ADGRL3: variants seen among roughly 807,000 people sequenced by gnomAD.
ADGRL3 encodes the protein adhesion G protein-coupled receptor L3.
In ADGRL3, 62 loss-of-function variants were observed where a neutral mutation model predicts 153.5. The ratio of observed to expected loss-of-function variants is 0.40; its 90% CI spans 0.33 to 0.50. ADGRL3 has a LOEUF of 0.50. ADGRL3 is among the 20% of genes least tolerant of loss of function. The pLI, the probability that ADGRL3 is intolerant of heterozygous loss-of-function variation, is 0.47. For synonymous variants in ADGRL3, 710 were observed against 672.5 expected, an observed-to-expected ratio of 1.06 and a Z score of -0.86; for missense variants, 1,641 against 1,859.4, an observed-to-expected ratio of 0.88 and a Z score of 2.16.
chr4:61,518,360 C>T lies in ADGRL3; in HGVS notation c.259+842C>T, dbSNP rs371300421. ...TATCAAATCTTTCCTAAAACACAGTCACTATTCTGACCCAAGAATTTCTTG... is the reference window on the plus strand; with the variant it reads ...TATCAAATCTTTCCTAAAACACAGTTACTATTCTGACCCAAGAATTTCTTG... On this transcript the variant is annotated intron_variant, in intron 4 of 26. Coordinates refer to ENST00000683033, the MANE Select transcript of ADGRL3 (RefSeq NM_001387552.1). Among the ~76,000 whole-genome samples the T allele has an allele frequency of 1.4e-3, 209 of 150,052 alleles. 1 individual carries two copies. The highest frequency in any genetic ancestry group is 4.7e-3 in the African/African-American group (189 of 40,610).
chr4:62,014,602 G>T (rs888454376), intron 21 of ADGRL3, among the ~76,000 whole-genome samples: 1 of 152,122 alleles, frequency 6.6e-6, no homozygotes, highest in Non-Finnish European at 1.5e-5. Context: ...CCCCATAGAT[G>T]GGTGAGAACA....
intron 17 of ADGRL3, among the ~76,000 whole-genome samples, 154 bp from the exon 18 acceptor site, chr4:61,979,409 A>C (rs2099059571): frequency 6.6e-6 from 1 of 152,226 alleles, no homozygotes; most frequent in Non-Finnish European, 1.5e-5. Flanking sequence ...TCTGTGGAAG[A>C]GAAAACCCAA....
intron 2 of ADGRL3, among the ~76,000 whole-genome samples, chr4:61,424,517 C>G (rs1031435578): frequency 6.6e-6 from 1 of 152,154 alleles, no homozygotes; most frequent in African/African-American, 2.4e-5. Context: ...GGATGCCCAC[C>G]ATCTCTGTGG....
At chr4:61,296,497 GCAGTTGCCTTGCCTT>G (rs1560441266) in intron 1 of ADGRL3, among the ~76,000 whole-genome samples, 5 of 152,284 alleles carry the variant, frequency 3.3e-5, no homozygotes, top group African/African-American at 1.2e-4. Context: ...ATAAAAATCA[GCAGTTGCCTTGCCTT>G]ATATTTTGAT....
At chr4:61,582,998 T>C (rs1457419346) in intron 4 of ADGRL3, among the ~76,000 whole-genome samples, 2 of 152,090 alleles carry the variant, frequency 1.3e-5, no homozygotes, top group Non-Finnish European at 2.9e-5. Flanking sequence ...AACTGATTAT[T>C]AACCATTTGC....
rs563693302 is a variant in ADGRL3, at chr4:62,003,913, A to G, written c.3395+5648A>G. Among the ~76,000 whole-genome samples, 46 of 152,210 alleles carry G rather than the reference A, an allele frequency of 3.0e-4. No individual in the cohort carries two copies. The East Asian group carries it at 8.7e-3, about 29-fold the overall frequency. On this transcript the variant is annotated intron_variant, in intron 21 of 26. Transcript: ENST00000683033. Reference sequence around the variant, plus strand: ...AATAGTATCCTCAGTGAGCTTGGACACCTGCCATATGCTAAGAAATCTAAG... The same window carrying G: ...AATAGTATCCTCAGTGAGCTTGGACGCCTGCCATATGCTAAGAAATCTAAG...
In ADGRL3 at chr4:61,419,048, T is replaced by C. The variant is rs150041597; in HGVS notation, c.-174+35859T>C. Among the ~76,000 whole-genome samples, 593 of 150,914 alleles carry C rather than the reference T, an allele frequency of 3.9e-3. 35 individuals carry two copies. Among genetic ancestry groups the C allele is most frequent in the African/African-American group, 0.014 (569 of 40,794 alleles). On this transcript the variant is annotated intron_variant, in intron 2 of 26. Transcript: ENST00000683033. ...CAGAATGCATAGCTTAGATGACAAT[T>C]ATTTTGTTAAGAATGTTGGTATACT...
intron 2 of ADGRL3, among the ~76,000 whole-genome samples, chr4:61,439,722 G>A (rs1265234595): frequency 6.6e-6 from 1 of 152,028 alleles, no homozygotes; most frequent in East Asian, 1.9e-4. Context: ...TTCTGTTCTT[G>A]TGATAGTTTG....
At chr4:61,617,791 A>G (rs1001517929) in intron 5 of ADGRL3, among the ~76,000 whole-genome samples, 6 of 152,196 alleles carry the variant, frequency 3.9e-5, no homozygotes, top group African/African-American at 9.6e-5. Flanking sequence ...TTCTTCCCTA[A>G]GCAAAATCCT....
chr4:61,915,781 A>C (rs2098742526), intron 13 of ADGRL3, among the ~76,000 whole-genome samples: 1 of 152,158 alleles, frequency 6.6e-6, no homozygotes, highest in African/African-American at 2.4e-5. Flanking sequence ...CATTTTAAAG[A>C]CTTGTTTTAT....
chr4:61,724,248 A>G (rs911815651), intron 6 of ADGRL3, among the ~76,000 whole-genome samples: 6 of 152,220 alleles, frequency 3.9e-5, no homozygotes, highest in African/African-American at 1.4e-4. Flanking sequence ...AGTATTACCA[A>G]TAATAACTTC....
chr4:61,448,798 GGGA>G (rs2097628263), intron 2 of ADGRL3, among the ~76,000 whole-genome samples: 4 of 122,632 alleles, frequency 3.3e-5, no homozygotes, highest in Non-Finnish European at 5.1e-5. Flanking sequence ...GAGGGTAGGA[GGGA>G]GGAAGGGAGG....
At chr4:61,226,842 G>C (rs905953926) in intron 1 of ADGRL3, among the ~76,000 whole-genome samples, 1 of 151,914 alleles carries the variant, frequency 6.6e-6, no homozygotes, top group South Asian at 2.1e-4. Flanking sequence ...CCAACCCTTT[G>C]CTACTATCCC....
intron 1 of ADGRL3, among the ~76,000 whole-genome samples, chr4:61,358,980 C>T (rs933830870): frequency 1.3e-5 from 2 of 152,278 alleles, no homozygotes; most frequent in East Asian, 3.9e-4. Flanking sequence ...TAAACTTCTA[C>T]TCTCCACTCA....
At chr4:62,039,962 A>G (rs1422422368) in intron 24 of ADGRL3, among the ~76,000 whole-genome samples, 1 of 152,164 alleles carries the variant, frequency 6.6e-6, no homozygotes, top group East Asian at 1.9e-4. Flanking sequence ...GAGTTGTGCA[A>G]TGTTTAGCAA....
chr4:61,626,260 T>C (rs76154092), intron 5 of ADGRL3, among the ~76,000 whole-genome samples: 4,901 of 152,188 alleles, frequency 0.032, 145 homozygotes, highest in East Asian at 0.18. Flanking sequence ...TTTCTTTTTC[T>C]CTAAATATCC....
rs2098550899 is a variant in ADGRL3 at position 61,888,294 on chromosome 4, C to T, written c.1481-4362C>T. 3.3e-5 allele frequency among the ~76,000 whole-genome samples: 5 copies of T among 152,202 alleles called. No individual in the cohort carries two copies. In the South Asian group the frequency reaches 1.0e-3, roughly 31 times the overall value. ...TTCTCTGATATACAAACACACAAAG[C>T]ACTTATAACACATAGTTTTATTAAG... On this transcript the variant is annotated intron_variant, in intron 9 of 26. Transcript: ENST00000683033.
chr4:61,713,565 A>G (rs1274928839), intron 6 of ADGRL3, among the ~76,000 whole-genome samples: 1 of 151,998 alleles, frequency 6.6e-6, no homozygotes, highest in Non-Finnish European at 1.5e-5. Flanking sequence ...AAATGAAAGT[A>G]TATGAGTTGA....
chr4:61,972,343 A>G (rs558732692), intron 17 of ADGRL3, among the ~76,000 whole-genome samples: 83 of 152,294 alleles, frequency 5.4e-4, no homozygotes, highest in African/African-American at 2.0e-3. Context: ...TATAAGGTGT[A>G]AGGAAGGGAT....
Sources: allele counts gnomAD v4.1 joint callset (sites outside exome capture counted in the v4.1 genomes callset), GRCh38; gene constraint gnomAD v4.1.1; transcripts MANE v1.5; gene names NCBI Gene and HGNC (gene_info 2026-07-23, HGNC 2026-07-21).